ZNF484: variants seen among roughly 807,000 people sequenced by gnomAD.
ZNF484 encodes the protein zinc finger protein 484.
Under a neutral mutation model 12.9 loss-of-function variants are expected in ZNF484, and 11 were observed. The ratio of observed to expected loss-of-function variants is 0.85; its 90% CI spans 0.54 to 1.41. ZNF484 has a LOEUF of 1.41. Ranked by LOEUF, ZNF484 falls within the 40% of genes most tolerant of loss-of-function variation. The pLI, the probability that ZNF484 is intolerant of heterozygous loss-of-function variation, is 0.00. For missense variants in ZNF484, 807 were observed against 1,007.7 expected, an observed-to-expected ratio of 0.80 and a Z score of 2.70; for synonymous variants, 289 against 334.1, an observed-to-expected ratio of 0.86 and a Z score of 1.47.
rs552287955 is a variant in ZNF484 at position 92,847,602 on chromosome 9, C to T, written c.1185G>A (p.Arg395=). The T allele has an allele frequency of 6.2e-7, 1 of 1,614,110 alleles. No homozygotes were observed. The highest frequency in any genetic ancestry group is 1.1e-5 in the South Asian group (1 of 91,080). ...TCTGATGCATACTTAGTGTTGATTTCCTTGTGAAAGCTTTTCCACATTCAG... is the reference window on the plus strand; with the variant it reads ...TCTGATGCATACTTAGTGTTGATTTTCTTGTGAAAGCTTTTCCACATTCAG... ...ECTECGKAFT[R]KSTLSMHQKI... The change falls in exon 5 of 5, where the codon AGG becomes AGA. Residue 395 remains arginine (R), a synonymous_variant. Coordinates refer to ENST00000375495, the MANE Select transcript of ZNF484 (RefSeq NM_031486.4).
chr9:92,857,910 A>G (rs113721156), intron 2 of ZNF484, among the ~76,000 whole-genome samples: 6,505 of 152,238 alleles, frequency 0.043, 288 homozygotes, highest in East Asian at 0.23. Flanking sequence ...GGCACATGCT[A>G]CCATGCCCAG....
chr9:92,850,171 G>A (rs374211401), intron 4 of ZNF484, among the ~76,000 whole-genome samples: 85 of 152,282 alleles, frequency 5.6e-4, no homozygotes, highest in African/African-American at 2.0e-3. Flanking sequence ...TATTATTATT[G>A]TTTCTAGTTT....
In ZNF484 at chr9:92,844,544, CAAAT is replaced by C. The variant is rs1293281963; in HGVS notation, c.*1680_*1683del. Among the ~76,000 whole-genome samples the C allele has an allele frequency of 6.6e-6, 1 of 152,056 alleles. No individual in the cohort carries two copies. Among genetic ancestry groups the C allele is most frequent in the African/African-American group, 2.4e-5 (1 of 41,400 alleles). On this transcript the variant is annotated 3_prime_UTR_variant, in exon 5 of 5. Coordinates refer to ENST00000375495, the MANE Select transcript of ZNF484 (RefSeq NM_031486.4). ...ATGTGCAACAGTTAAAAAACAAAGA[CAAAT>C]AGATAAATTTCAAAGGAGACAGAAA...
At chr9:92,858,796 A>G (rs1032982705) in intron 2 of ZNF484, among the ~76,000 whole-genome samples, 12 of 152,154 alleles carry the variant, frequency 7.9e-5, no homozygotes, top group African/African-American at 2.7e-4. Context: ...TATGTAATAT[A>G]AAAAGTCAAG....
At chr9:92,852,865 A>G (rs1048385977) in intron 4 of ZNF484, among the ~76,000 whole-genome samples, 1 of 152,238 alleles carries the variant, frequency 6.6e-6, no homozygotes, top group African/African-American at 2.4e-5. Context: ...GAATACGCAG[A>G]TAGATAACAT....
At chr9:92,863,062 T>C (rs1375382382) in intron 2 of ZNF484, among the ~76,000 whole-genome samples, 1 of 152,050 alleles carries the variant, frequency 6.6e-6, no homozygotes, top group Non-Finnish European at 1.5e-5. Flanking sequence ...GTGGCACATA[T>C]ACATCATGGA....
At position 92,848,090 on chromosome 9, in the gene ZNF484, G is replaced by T. The variant is rs766096237; in HGVS notation, c.697C>A (p.His233Asn). 24 of 1,614,112 alleles carry T rather than the reference G, an allele frequency of 1.5e-5. No homozygotes were observed. In the South Asian group the frequency reaches 2.5e-4, roughly 17 times the overall value. ...CECNQCGKPL[H>N]HKQALIQQQK... Reference sequence around the variant, plus strand: ...TGTTGAATGAGAGCTTGCTTATGATGCAGAGGTTTCCCACATTGGTTACAT... The same window carrying T: ...TGTTGAATGAGAGCTTGCTTATGATTCAGAGGTTTCCCACATTGGTTACAT... The change falls in exon 5 of 5, where the codon CAT (histidine) becomes AAT (asparagine). Residue 233 changes from histidine to asparagine, a missense_variant. Transcript: ENST00000375495. The surrounding 1 kb of genome is among the most constrained non-coding windows in gnomAD (Gnocchi z 4.1).
chr9:92,875,175 C>T, intron 1 of ZNF484, 116 bp from the exon 2 acceptor site: 1 of 751,170 alleles, frequency 1.3e-6, no homozygotes, highest in Non-Finnish European at 2.1e-6. Context: ...ATTTCTGGAA[C>T]TACCACATTA....
Position 92,844,998 on chromosome 9 carries a change from A to G in ZNF484, c.*1230T>C, listed in dbSNP as rs149161734. The G allele has an allele frequency of 5.3e-5, 8 of 152,310 alleles. No homozygotes were observed. The East Asian group carries it at 1.3e-3, about 26-fold the overall frequency. The allele number at this position is 152,310 out of a possible 1,614,324, so 9.4% of individuals were successfully genotyped here. On this transcript the variant is annotated 3_prime_UTR_variant, in exon 5 of 5. Transcript: ENST00000375495. ...GACAAATAAATGAAATTATAATGTT[A>G]TAACTTCTCCCCTTGTCCAGAAATG...
At chr9:92,877,843 G>A in intron 1 of ZNF484, 47 bp downstream of exon 1, 1 of 1,535,828 alleles carries the variant, frequency 6.5e-7, no homozygotes, top group Non-Finnish European at 8.7e-7. Context: ...ACAGACATCA[G>A]AGATTCTTCT....
chr9:92,855,585 C>T lies in ZNF484; in HGVS notation c.235+226G>A, dbSNP rs77691648. 3.3e-3 allele frequency among the ~76,000 whole-genome samples: 499 copies of T among 152,128 alleles called. 1 individual carries two copies. The highest frequency in any genetic ancestry group is 0.011 in the African/African-American group (467 of 41,498). On this transcript the variant is annotated intron_variant, in intron 4 of 4. Coordinates refer to ENST00000375495, the MANE Select transcript of ZNF484 (RefSeq NM_031486.4). ...AAAGAACCAGTAATTGTAGCATATT[C>T]CCTCCTAAAAAGCCAAGCAAAGAAG...
Position 92,867,566 on chromosome 9 carries a change from C to T in ZNF484, c.15+7449G>A, listed in dbSNP as rs556697517. Reference sequence around the variant, plus strand: ...ATAGATGCAGCAAACCACCATGGCACGCATATACCTATGTAACAAACCTGC... The same window carrying T: ...ATAGATGCAGCAAACCACCATGGCATGCATATACCTATGTAACAAACCTGC... On this transcript the variant is annotated intron_variant, in intron 2 of 4. Transcript: ENST00000375495. Among the ~76,000 whole-genome samples the T allele has an allele frequency of 3.9e-5, 6 of 152,212 alleles. No homozygotes were observed. In the South Asian group the frequency reaches 6.2e-4, roughly 16 times the overall value.
At chr9:92,872,917 A>ACAAAAG (rs1203159943) in intron 2 of ZNF484, among the ~76,000 whole-genome samples, 1 of 152,208 alleles carries the variant, frequency 6.6e-6, no homozygotes, top group Non-Finnish European at 1.5e-5. Context: ...GCTAAAAAAA[A>ACAAAAG]AAACAAAAGA....
At chr9:92,872,490 CAAAAAAAAAA>C (rs537371475) in intron 2 of ZNF484, among the ~76,000 whole-genome samples, 1 of 47,526 alleles carries the variant, frequency 2.1e-5, no homozygotes, top group Admixed American at 2.9e-4. Context: ...ATCTCTGCCT[CAAAAAAAAAA>C]AAAAAAAAAA....
chr9:92,877,246 A>C (rs1857872776), intron 1 of ZNF484, among the ~76,000 whole-genome samples: 1 of 152,120 alleles, frequency 6.6e-6, no homozygotes, highest in African/African-American at 2.4e-5. Flanking sequence ...AAAAAGAGAA[A>C]GTACCTAAAA....
intron 2 of ZNF484, among the ~76,000 whole-genome samples, chr9:92,863,274 T>TG (rs1480220530): frequency 1.1e-5 from 1 of 87,840 alleles, no homozygotes; most frequent in Non-Finnish European, 2.1e-5. Flanking sequence ...TGGGGAAGGG[T>TG]GGGGGGTGGG....
chr9:92,851,598 A>G (rs1856086188), intron 4 of ZNF484, among the ~76,000 whole-genome samples: 1 of 152,170 alleles, frequency 6.6e-6, no homozygotes, highest in African/African-American at 2.4e-5. Context: ...GACTTTCTAG[A>G]AACTTTGTCC....
In ZNF484 at chr9:92,847,052, G is replaced by T. The variant is rs1310908212; in HGVS notation, c.1735C>A (p.Pro579Thr). Residue 579 changes from proline (P) to threonine (T), a missense_variant, in exon 5 of 5, where the codon CCA becomes ACA. Transcript: ENST00000375495. ...MHQRIHRGEK[P>T]YVCTECGKAF... The stretch of plus-strand genomic sequence containing the variant: ...TTACCACATTCAGTGCAAACATATG[G>T]TTTTTCCCCTCTATGAATTCTCTGG... 1 of 1,613,922 alleles carries T rather than the reference G, an allele frequency of 6.2e-7. No homozygotes were observed. Among genetic ancestry groups the T allele is most frequent in the African/African-American group, 1.3e-5 (1 of 74,952 alleles).
At chr9:92,867,682 GAAGAA>G in intron 2 of ZNF484, among the ~76,000 whole-genome samples, 1 of 152,284 alleles carries the variant, frequency 6.6e-6, no homozygotes, top group South Asian at 2.1e-4. Flanking sequence ...ATTCAGAAGT[GAAGAA>G]AAGAGTCCTT....
Sources: allele counts gnomAD v4.1 joint callset (sites outside exome capture counted in the v4.1 genomes callset), GRCh38; gene constraint gnomAD v4.1.1; non-coding constraint Gnocchi (gnomAD v3.1); transcripts MANE v1.5; gene names NCBI Gene and HGNC (gene_info 2026-07-23, HGNC 2026-07-21).